The following CSMD1 variants were observed in gnomAD, a reference collection of about 807,000 sequenced individuals.
The protein encoded by CSMD1 is CUB and sushi domain-containing protein 1.
A neutral mutation model predicts 417.5 loss-of-function variants in CSMD1; 213 were observed. The observed-to-expected ratio is 0.51, with a 90% CI of 0.46 to 0.57. The LOEUF (loss-of-function observed/expected upper bound fraction) is 0.57, where lower values mean the gene tolerates loss of function less well. CSMD1 is among the 20% of genes least tolerant of loss of function. The pLI, the probability that CSMD1 is intolerant of heterozygous loss-of-function variation, is 0.00. For synonymous variants in CSMD1, 2,862 were observed against 1,736.8 expected (o/e 1.65, Z -16.11); for missense variants, 6,923 against 4,529.7 (o/e 1.53, Z -15.17).
intron 36 of CSMD1, among the ~76,000 whole-genome samples, chr8:3,182,218 G>A (rs899730290): frequency 6.6e-6 from 1 of 152,098 alleles, no homozygotes; most frequent in Non-Finnish European, 1.5e-5. Context: ...ATCATCCTTA[G>A]CTCACCACTT....
chr8:4,098,144 C>A (rs1321606231), intron 3 of CSMD1, among the ~76,000 whole-genome samples: 1 of 152,012 alleles, frequency 6.6e-6, no homozygotes, highest in Non-Finnish European at 1.5e-5. Context: ...CATATAAAAC[C>A]CTTGTAAATT....
chr8:3,507,678 C>G (rs577929552), intron 10 of CSMD1, among the ~76,000 whole-genome samples: 2 of 152,264 alleles, frequency 1.3e-5, no homozygotes, highest in East Asian at 1.9e-4. Flanking sequence ...TGTTTCCTGA[C>G]TTTTTAATGA....
chr8:4,099,316 A>T (rs142227988), intron 3 of CSMD1, among the ~76,000 whole-genome samples: 1 of 152,160 alleles, frequency 6.6e-6, no homozygotes, highest in Non-Finnish European at 1.5e-5. Context: ...TACATGAAGG[A>T]GCTATACTCA....
chr8:4,693,060 ACT>A (rs1806880125), intron 1 of CSMD1, among the ~76,000 whole-genome samples: 2 of 151,428 alleles, frequency 1.3e-5, no homozygotes, highest in Admixed American at 1.3e-4. Flanking sequence ...TGTGATACTG[ACT>A]ACACTACACA....
At chr8:4,176,745 C>G (rs535145333) in intron 3 of CSMD1, among the ~76,000 whole-genome samples, 4 of 149,332 alleles carry the variant, frequency 2.7e-5, no homozygotes, top group East Asian at 2.0e-4. Flanking sequence ...ATCTACCAAG[C>G]AAATGGAAAA....
At chr8:3,731,339 G>A (rs532245338) in intron 6 of CSMD1, among the ~76,000 whole-genome samples, 1 of 152,294 alleles carries the variant, frequency 6.6e-6, no homozygotes, top group African/African-American at 2.4e-5. Context: ...AGAAAGAGAT[G>A]GAGGAATATT....
chr8:3,293,448 C>G (rs1188368720), intron 25 of CSMD1, among the ~76,000 whole-genome samples: 1 of 152,206 alleles, frequency 6.6e-6, no homozygotes, highest in Non-Finnish European at 1.5e-5. Flanking sequence ...TTCTCCCTGT[C>G]ACTTTTAGGT....
At chr8:4,165,333 C>G (rs1584942264) in intron 3 of CSMD1, among the ~76,000 whole-genome samples, 1 of 152,356 alleles carries the variant, frequency 6.6e-6, no homozygotes. Context: ...GAAGCGCAAA[C>G]ACGTGGTGTC....
chr8:3,487,336 G>C (rs1404290327), intron 11 of CSMD1, among the ~76,000 whole-genome samples: 2 of 152,040 alleles, frequency 1.3e-5, no homozygotes, highest in African/African-American at 4.8e-5. Context: ...CAAGTAGATG[G>C]GACTACAGGC....
chr8:4,089,764 A>G (rs989344763), intron 3 of CSMD1, among the ~76,000 whole-genome samples: 1 of 152,068 alleles, frequency 6.6e-6, no homozygotes, highest in African/African-American at 2.4e-5. Flanking sequence ...GTTTGGGGGT[A>G]TTTTTGTTAT....
chr8:4,139,194 T>G (rs1803624737), intron 3 of CSMD1, among the ~76,000 whole-genome samples: 2 of 152,218 alleles, frequency 1.3e-5, no homozygotes, highest in Admixed American at 1.3e-4. Context: ...TCAGTTTCAG[T>G]ATCTTCCTGG....
At chr8:4,565,566 C>T (rs1173557274) in intron 2 of CSMD1, among the ~76,000 whole-genome samples, 1 of 151,734 alleles carries the variant, frequency 6.6e-6, no homozygotes, top group Non-Finnish European at 1.5e-5. Flanking sequence ...GAAACCCTGT[C>T]TCTACAAAAA....
At chr8:3,906,691 T>G (rs779123461) in intron 5 of CSMD1, among the ~76,000 whole-genome samples, 1 of 151,992 alleles carries the variant, frequency 6.6e-6, no homozygotes, top group Non-Finnish European at 1.5e-5. Flanking sequence ...CTATGTTTTA[T>G]GTAAAAAAAT....
At chr8:4,666,387 C>A (rs552679540) in intron 1 of CSMD1, among the ~76,000 whole-genome samples, 82 of 152,170 alleles carry the variant, frequency 5.4e-4, no homozygotes, top group African/African-American at 1.8e-3. Context: ...AGTGAGTCAA[C>A]ATGATAAGGA....
intron 2 of CSMD1, among the ~76,000 whole-genome samples, chr8:4,450,831 G>A (rs1056301621): frequency 6.6e-6 from 1 of 152,154 alleles, no homozygotes; most frequent in Non-Finnish European, 1.5e-5. Context: ...CTGCACTTGT[G>A]AGTAAGGGTG....
Position 4,899,223 on chromosome 8 carries a change from A to T in CSMD1, c.85+95109T>A, listed in dbSNP as rs528761830. On this transcript the variant is annotated intron_variant, in intron 1 of 69. Transcript: ENST00000635120. Reference sequence around the variant, plus strand: ...TCGGAAGAAACATCATTTGAAGCAAATACTTCAGAGAAGTTTTGGTTGAAA... The same window carrying T: ...TCGGAAGAAACATCATTTGAAGCAATTACTTCAGAGAAGTTTTGGTTGAAA... 2.0e-5 allele frequency among the ~76,000 whole-genome samples: 3 copies of T among 152,332 alleles called. No homozygotes were observed. The East Asian group carries it at 5.8e-4, about 29-fold the overall frequency.
chr8:3,523,705 G>C (rs1038467921), intron 10 of CSMD1, among the ~76,000 whole-genome samples: 1 of 147,256 alleles, frequency 6.8e-6, no homozygotes, highest in Non-Finnish European at 1.5e-5. Context: ...GCACACATGT[G>C]CATGCACACA....
intron 3 of CSMD1, among the ~76,000 whole-genome samples, chr8:4,266,833 G>A (rs1804259310): frequency 9.6e-6 from 1 of 104,104 alleles, no homozygotes; most frequent in South Asian, 3.7e-4. Context: ...TTCATTTACT[G>A]CAAAAATAAA....
chr8:3,194,923 G>A (rs191350911), intron 33 of CSMD1, among the ~76,000 whole-genome samples: 64 of 152,186 alleles, frequency 4.2e-4, no homozygotes, highest in Admixed American at 2.2e-3. Flanking sequence ...ATGGTGACCC[G>A]GAAAACATGA....
Sources: gnomAD v4.1 joint callset for allele counts (sites outside exome capture counted in the v4.1 genomes callset) on GRCh38, gnomAD v4.1.1 for gene constraint, MANE v1.5 for transcripts, NCBI Gene and HGNC (gene_info 2026-07-23, HGNC 2026-07-21) for gene names.